PKIB: variants seen among roughly 807,000 people sequenced by gnomAD.
PKIB encodes cAMP-dependent protein kinase inhibitor beta.
PKIB carries 2 observed loss-of-function variants against 4.5 expected under a neutral mutation model. That is an observed-to-expected ratio of 0.44 (90% CI 0.18 to 1.39). The LOEUF is 1.39. Ranked by LOEUF, PKIB falls within the 40% of genes most tolerant of loss-of-function variation. The pLI, the probability that PKIB is intolerant of heterozygous loss-of-function variation, is 0.27. For missense variants in PKIB, 94 were observed against 92.6 expected, an observed-to-expected ratio of 1.02 and a Z score of -0.06; for synonymous variants, 38 against 36.0, an observed-to-expected ratio of 1.06 and a Z score of -0.20.
intron 2 of PKIB, among the ~76,000 whole-genome samples, chr6:122,541,802 C>T (rs952457761): frequency 1.3e-4 from 20 of 151,810 alleles, no homozygotes; most frequent in Middle Eastern, 3.4e-3. Context: ...CCATTCTCCC[C>T]GTCATTTTCA....
intron 2 of PKIB, among the ~76,000 whole-genome samples, chr6:122,580,562 T>C (rs1773673198): frequency 6.6e-6 from 1 of 152,166 alleles, no homozygotes; most frequent in Admixed American, 6.6e-5. Flanking sequence ...TTTGCCTACA[T>C]AGGGTTTGCC....
chr6:122,718,689 C>A (rs941315211), intron 4 of PKIB, among the ~76,000 whole-genome samples: 22 of 152,136 alleles, frequency 1.4e-4, no homozygotes, highest in Non-Finnish European at 2.2e-4. Flanking sequence ...GGAATTTATT[C>A]TTGGTGACAA....
chr6:122,621,373 A>G (rs1399088966), intron 1 of PKIB, among the ~76,000 whole-genome samples: 3 of 152,212 alleles, frequency 2.0e-5, no homozygotes, highest in Non-Finnish European at 4.4e-5. Flanking sequence ...GATCAGGTTG[A>G]ACTGAACAAG....
At chr6:122,688,084 T>C (rs1778163322) in intron 3 of PKIB, among the ~76,000 whole-genome samples, 1 of 152,202 alleles carries the variant, frequency 6.6e-6, no homozygotes, top group African/African-American at 2.4e-5. Context: ...ATGCTAGCTG[T>C]GGGTGTGTTA....
At chr6:122,592,951 A>G (rs1466972485) in intron 3 of PKIB, among the ~76,000 whole-genome samples, 2 of 152,214 alleles carry the variant, frequency 1.3e-5, no homozygotes, top group Admixed American at 6.5e-5. Context: ...TAATGTACAT[A>G]ACTCTAATAT....
intron 3 of PKIB, among the ~76,000 whole-genome samples, chr6:122,596,058 C>T (rs1462988752): frequency 1.3e-5 from 2 of 152,204 alleles, no homozygotes; most frequent in African/African-American, 4.8e-5. Context: ...CCAGCCAAAC[C>T]ATTGGCTATA....
chr6:122,621,822 C>T (rs1441226853), intron 1 of PKIB, among the ~76,000 whole-genome samples: 1 of 152,244 alleles, frequency 6.6e-6, no homozygotes, highest in African/African-American at 2.4e-5. Flanking sequence ...CAGTGGTGTA[C>T]TGGCTGAAAG....
intron 4 of PKIB, among the ~76,000 whole-genome samples, chr6:122,719,625 A>G (rs1206671688): frequency 6.6e-6 from 1 of 152,098 alleles, no homozygotes; most frequent in Non-Finnish European, 1.5e-5. Context: ...CAGGGGATCT[A>G]TTGTAGCAAC....
rs537383267 is a variant in PKIB at position 122,709,346 on chromosome 6, A to G, written c.-8-8441A>G. On this transcript the variant is annotated intron_variant, in intron 3 of 4. Transcript: ENST00000368452. ...ACTTTGAGAGTGTGTTAATGCAGTT[A>G]AGTAGTGCCCAAAGCTCTGCTTTCA... Among the ~76,000 whole-genome samples, 5 of 152,252 alleles carry G rather than the reference A, an allele frequency of 3.3e-5. No homozygotes were observed. The East Asian group carries it at 9.7e-4, about 29-fold the overall frequency.
intron 2 of PKIB, among the ~76,000 whole-genome samples, chr6:122,489,589 A>G (rs1775880728): frequency 6.6e-6 from 1 of 152,086 alleles, no homozygotes; most frequent in Non-Finnish European, 1.5e-5. Context: ...ACTACTTATC[A>G]TTGAATGAGT....
intron 2 of PKIB, among the ~76,000 whole-genome samples, chr6:122,668,106 A>G (rs1777304218): frequency 6.6e-6 from 1 of 152,204 alleles, no homozygotes; most frequent in East Asian, 1.9e-4. Flanking sequence ...TTCTGCAACC[A>G]TATGTAAAGG....
chr6:122,501,310 G>T (rs1001402650), intron 2 of PKIB, among the ~76,000 whole-genome samples: 1 of 152,154 alleles, frequency 6.6e-6, no homozygotes, highest in Admixed American at 6.5e-5. Flanking sequence ...TTGGGTAAAT[G>T]CTCTCATTCC....
chr6:122,677,347 A>T (rs1420480700), intron 3 of PKIB, among the ~76,000 whole-genome samples: 1 of 152,074 alleles, frequency 6.6e-6, no homozygotes. Flanking sequence ...TTTTTTTAAA[A>T]CTGCCTCATT....
chr6:122,523,715 G>A (rs1212036245), intron 2 of PKIB, among the ~76,000 whole-genome samples: 1 of 151,828 alleles, frequency 6.6e-6, no homozygotes, highest in Non-Finnish European at 1.5e-5. Context: ...CTTGGGAGAT[G>A]AAGGTTGCGG....
At chr6:122,513,919 T>C (rs1776665628) in intron 2 of PKIB, among the ~76,000 whole-genome samples, 2 of 152,226 alleles carry the variant, frequency 1.3e-5, no homozygotes, top group Non-Finnish European at 2.9e-5. Context: ...GTGAGGGAAC[T>C]TCACTAAGAC....
intron 2 of PKIB, among the ~76,000 whole-genome samples, chr6:122,579,084 G>A (rs1249613728): frequency 6.6e-6 from 1 of 152,132 alleles, no homozygotes; most frequent in Non-Finnish European, 1.5e-5. Context: ...AGCAGCTTGA[G>A]AATGGACTAG....
intron 3 of PKIB, among the ~76,000 whole-genome samples, chr6:122,593,963 C>G (rs561122230): frequency 6.6e-6 from 1 of 152,236 alleles, no homozygotes; most frequent in South Asian, 2.1e-4. Context: ...TCAGTATTAA[C>G]CAACACAAGT....
chr6:122,590,069 A>G (rs1773970994), intron 3 of PKIB, among the ~76,000 whole-genome samples: 1 of 152,196 alleles, frequency 6.6e-6, no homozygotes, highest in Non-Finnish European at 1.5e-5. Flanking sequence ...GGGGATTTTA[A>G]ATACACACTT....
intron 1 of PKIB, among the ~76,000 whole-genome samples, chr6:122,611,467 C>T (rs547279206): frequency 8.8e-4 from 134 of 152,268 alleles, no homozygotes; most frequent in African/African-American, 3.2e-3. Flanking sequence ...GGAGTCTGTG[C>T]AGGACTGGAA....
Sources: gnomAD v4.1 joint callset for allele counts (sites outside exome capture counted in the v4.1 genomes callset) on GRCh38, gnomAD v4.1.1 for gene constraint, MANE v1.5 for transcripts, NCBI Gene and HGNC (gene_info 2026-07-23, HGNC 2026-07-21) for gene names.